Variants in WWOX observed in about 807,000 individuals in gnomAD.
WWOX encodes WW domain-containing oxidoreductase.
A neutral mutation model predicts 46.2 loss-of-function variants in WWOX; 69 were observed. The ratio of observed to expected loss-of-function variants is 1.49; its 90% CI spans 1.23 to 1.82. The LOEUF (loss-of-function observed/expected upper bound fraction) is 1.82, where lower values mean the gene tolerates loss of function less well. Ranked by LOEUF, WWOX falls within the 40% of genes most tolerant of loss-of-function variation. WWOX has a pLI of 0.00. For synonymous variants in WWOX, 359 were observed against 202.6 expected (o/e 1.77, Z -6.56); for missense variants, 919 against 542.6 (o/e 1.69, Z -6.89).
At chr16:78,679,193 T>C (rs1325512673) in intron 8 of WWOX, among the ~76,000 whole-genome samples, 1 of 150,258 alleles carries the variant, frequency 6.7e-6, no homozygotes, top group Non-Finnish European at 1.5e-5. Flanking sequence ...AGAGAATAGA[T>C]TACAGGTGCC....
At chr16:79,107,141 A>G (rs555900733) in intron 8 of WWOX, among the ~76,000 whole-genome samples, 3 of 151,996 alleles carry the variant, frequency 2.0e-5, no homozygotes, top group East Asian at 3.9e-4. Context: ...GAATCTTACT[A>G]TGTTGCCCAG....
intron 8 of WWOX, among the ~76,000 whole-genome samples, chr16:78,596,281 G>A (rs1367298881): frequency 6.6e-6 from 1 of 152,176 alleles, no homozygotes; most frequent in Non-Finnish European, 1.5e-5. Flanking sequence ...CAATAGAAAC[G>A]TTTTGAGATC....
intron 8 of WWOX, among the ~76,000 whole-genome samples, chr16:78,750,015 C>T (rs909752608): frequency 6.6e-6 from 1 of 152,052 alleles, no homozygotes; most frequent in Admixed American, 6.5e-5. Context: ...TCTTGTCGTT[C>T]AGTAGTAGAT....
intron 8 of WWOX, among the ~76,000 whole-genome samples, chr16:78,536,763 G>C (rs560197509): frequency 6.6e-6 from 1 of 152,104 alleles, no homozygotes; most frequent in South Asian, 2.1e-4. Context: ...AGGAGGAAAA[G>C]GTGACTTGCC....
intron 5 of WWOX, among the ~76,000 whole-genome samples, chr16:78,178,897 C>T (rs1168945496): frequency 6.6e-6 from 1 of 151,420 alleles, no homozygotes; most frequent in Non-Finnish European, 1.5e-5. Flanking sequence ...TTTAGAATTG[C>T]TTTCTCTTCG....
chr16:78,578,963 CA>C (rs2044976892), intron 8 of WWOX, among the ~76,000 whole-genome samples: 1 of 152,160 alleles, frequency 6.6e-6, no homozygotes, highest in Non-Finnish European at 1.5e-5. Context: ...TCTTGCTTTT[CA>C]GAAACCACCA....
At chr16:78,442,942 G>A (rs577719704) in intron 8 of WWOX, among the ~76,000 whole-genome samples, 2 of 151,934 alleles carry the variant, frequency 1.3e-5, no homozygotes, top group Non-Finnish European at 2.9e-5. Context: ...CTAACATGGT[G>A]AAACCCTGTC....
At chr16:79,045,398 A>C (rs2048045492) in intron 8 of WWOX, among the ~76,000 whole-genome samples, 1 of 152,006 alleles carries the variant, frequency 6.6e-6, no homozygotes, top group African/African-American at 2.4e-5. Flanking sequence ...CCTGGCTCCC[A>C]CTCCAGAGAG....
chr16:78,436,855 G>A (rs1014248120), intron 8 of WWOX, among the ~76,000 whole-genome samples: 1 of 152,196 alleles, frequency 6.6e-6, no homozygotes, highest in Non-Finnish European at 1.5e-5. Context: ...TCAGGATAAT[G>A]CATCAGTTTC....
intron 8 of WWOX, among the ~76,000 whole-genome samples, chr16:78,599,596 G>A (rs76614455): frequency 0.049 from 7,459 of 152,308 alleles, 195 homozygotes; most frequent in Non-Finnish European, 0.061. Flanking sequence ...TCCTGACACA[G>A]TTTGGGGAGA....
intron 8 of WWOX, among the ~76,000 whole-genome samples, chr16:78,528,791 T>C (rs1217569186): frequency 6.6e-6 from 1 of 152,176 alleles, no homozygotes; most frequent in Non-Finnish European, 1.5e-5. Context: ...TTTCAGTGGC[T>C]GGTTCTTCGT....
At chr16:78,987,667 G>A (rs1019961786) in intron 8 of WWOX, among the ~76,000 whole-genome samples, 11 of 152,160 alleles carry the variant, frequency 7.2e-5, no homozygotes, top group Non-Finnish European at 8.8e-5. Context: ...CTTTGTTTCT[G>A]TACAGGGCCC....
intron 8 of WWOX, among the ~76,000 whole-genome samples, chr16:78,908,000 G>A (rs908174103): frequency 3.3e-5 from 5 of 152,186 alleles, no homozygotes; most frequent in Non-Finnish European, 5.9e-5. Flanking sequence ...GGAATTTCGA[G>A]TTTATCTCAT....
intron 8 of WWOX, among the ~76,000 whole-genome samples, chr16:78,435,430 G>A (rs568914239): frequency 6.6e-6 from 1 of 152,278 alleles, no homozygotes; most frequent in Admixed American, 6.5e-5. Flanking sequence ...GCAAGGCTTG[G>A]GAGAAACAAA....
intron 8 of WWOX, among the ~76,000 whole-genome samples, chr16:78,724,814 T>A (rs572103006): frequency 6.6e-6 from 1 of 152,288 alleles, no homozygotes; most frequent in Non-Finnish European, 1.5e-5. Flanking sequence ...TGTGTGTGTG[T>A]AGTTTTTCAG....
chr16:78,825,271 C>T (rs905490351), intron 8 of WWOX: 2 of 276,424 alleles, frequency 7.2e-6, no homozygotes, highest in African/African-American at 2.2e-5. Flanking sequence ...TGATGGTGTG[C>T]AGCAGCATGA....
intron 5 of WWOX, among the ~76,000 whole-genome samples, chr16:78,345,744 T>G (rs541698888): frequency 8.5e-6 from 1 of 117,156 alleles, no homozygotes; most frequent in Non-Finnish European, 2.0e-5. Flanking sequence ...ATACTGCTGT[T>G]CTTAACTCTG....
chr16:78,547,168 A>C, intron 8 of WWOX, among the ~76,000 whole-genome samples: 1 of 144,462 alleles, frequency 6.9e-6, no homozygotes, highest in African/African-American at 2.6e-5. Flanking sequence ...AACAACTACC[A>C]GGCCTGTTGG....
At chr16:78,892,473 C>G (rs185258718) in intron 8 of WWOX, among the ~76,000 whole-genome samples, 57 of 152,262 alleles carry the variant, frequency 3.7e-4, no homozygotes, top group African/African-American at 1.3e-3. Flanking sequence ...CTAGTTGGAA[C>G]GGTGGTCATG....
Sources: gnomAD v4.1 joint callset for allele counts (sites outside exome capture counted in the v4.1 genomes callset) on GRCh38, gnomAD v4.1.1 for gene constraint, MANE v1.5 for transcripts, NCBI Gene and HGNC (gene_info 2026-07-23, HGNC 2026-07-21) for gene names.